The following NRAP variants were observed in gnomAD, a reference collection of about 807,000 sequenced individuals.
NRAP encodes nebulin related anchoring protein, also known as nebulin-related-anchoring protein.
NRAP carries 189 observed loss-of-function variants against 225.9 expected under a neutral mutation model. The observed-to-expected ratio is 0.84, with a 90% CI of 0.74 to 0.94. The LOEUF is 0.94. Ranked by LOEUF, NRAP falls within the 40% of genes least tolerant of loss-of-function variation. The probability of loss-of-function intolerance (pLI) is 0.00; values close to 1 mark genes in which losing one functional copy is unlikely to be tolerated. For synonymous variants in NRAP, 769 were observed against 790.7 expected, an observed-to-expected ratio of 0.97 and a Z score of 0.46; for missense variants, 2,176 against 2,168.7, an observed-to-expected ratio of 1.00 and a Z score of -0.07.
At position 113,631,857 on chromosome 10, in the gene NRAP, A is replaced by G. The variant is rs762853622; in HGVS notation, c.1740T>C (p.Asn580=). 6.3e-7 allele frequency: 1 copy of G among 1,595,106 alleles called. No individual in the cohort carries two copies. The highest frequency in any genetic ancestry group is 1.7e-5 in the Admixed American group (1 of 59,954). ...AAKASGELAS[N]IKYKEEYEKT... ...CCTGAGTTAATGAGAGGAAACGTAC[A>G]TTGCTAGCAAGCTCCCCAGAGGCTT... The change falls in exon 17 of 42, where the codon AAT becomes AAC. Residue 580 remains asparagine, a splice_region_variant and synonymous_variant. Transcript: ENST00000359988.
intron 29 of NRAP, 124 bp downstream of exon 29, chr10:113,614,059 C>A: frequency 2.9e-6 from 2 of 699,382 alleles, no homozygotes; most frequent in South Asian, 3.3e-5. Flanking sequence ...TTAACAATGT[C>A]ACGTAGCAAG....
At chr10:113,609,661 C>T (rs966832303) in intron 31 of NRAP, among the ~76,000 whole-genome samples, 10 of 152,250 alleles carry the variant, frequency 6.6e-5, no homozygotes, top group African/African-American at 2.4e-4. Context: ...CTAATCCTCA[C>T]AAAAATTAAA....
Position 113,589,004 on chromosome 10 carries a change from C to G in NRAP, c.5164G>C (p.Val1722Leu). 6.2e-7 allele frequency: 1 copy of G among 1,613,930 alleles called. No homozygotes were observed. The highest frequency in any genetic ancestry group is 8.5e-7 in the Non-Finnish European group (1 of 1,179,902). The change falls in exon 42 of 42, where the codon GTC (valine) becomes CTC (leucine). Residue 1722 changes from valine (V) to leucine (L), a missense_variant. Coordinates refer to ENST00000359988, the MANE Select transcript of NRAP (RefSeq NM_198060.4). ...AACAGCAGGGCCTTCTTCTTTTTGA[C>G]GTGCAGAATCTCAGTGGCATCTGGG... is the stretch of plus-strand genomic sequence containing the variant. ...VNPDATEILH[V>L]KKKKALLL
At chr10:113,661,352 G>A (rs1717834955) in intron 3 of NRAP, among the ~76,000 whole-genome samples, 1 of 152,192 alleles carries the variant, frequency 6.6e-6, no homozygotes, top group South Asian at 2.1e-4. Context: ...TAAGCACTTA[G>A]TGAAAATAAG....
At chr10:113,614,348 G>T in intron 28 of NRAP, 52 bp from the exon 29 acceptor site, 1 of 1,230,914 alleles carries the variant, frequency 8.1e-7, no homozygotes. Context: ...AAGGGACACA[G>T]AATGGAAGAG....
At chr10:113,623,824 CA>C (rs2133994271) in intron 22 of NRAP, among the ~76,000 whole-genome samples, 188 bp from the exon 23 acceptor site, 1 of 152,254 alleles carries the variant, frequency 6.6e-6, no homozygotes, top group South Asian at 2.1e-4. Context: ...GGCCTTTTAA[CA>C]CATAGGGCTT....
rs147401897 is a variant in NRAP at position 113,631,557 on chromosome 10, G to C, written c.1794C>G (p.Ala598=). 6.2e-7 allele frequency: 1 copy of C among 1,613,358 alleles called. No homozygotes were observed. The change falls in exon 18 of 42, where the codon GCC becomes GCG. Residue 598 remains alanine, a synonymous_variant. Coordinates refer to ENST00000359988, the MANE Select transcript of NRAP (RefSeq NM_198060.4). ...EKTKGKAMGT[A]DSRLLHSLQI... Reference sequence around the variant, plus strand: ...GCAGGGAGTGCAGAAGCCTAGAGTCGGCTGTTCCCATGGCTTTGCCTTTTG... The same window carrying C: ...GCAGGGAGTGCAGAAGCCTAGAGTCCGCTGTTCCCATGGCTTTGCCTTTTG...
At chr10:113,621,585 C>T (rs1847989152) in intron 24 of NRAP, among the ~76,000 whole-genome samples, 1 of 152,174 alleles carries the variant, frequency 6.6e-6, no homozygotes, top group Admixed American at 6.5e-5. Context: ...AGATACCTCC[C>T]CCCTGGCAAT....
chr10:113,642,991 G>A lies in NRAP; in HGVS notation c.1158C>T (p.Asn386=). Residue 386 remains asparagine (N), a synonymous_variant, in exon 12 of 42, where the codon AAC becomes AAT. Transcript: ENST00000359988. ...DLESSRGHSI[N]YCETPQFRNV... is the part of the protein sequence containing the mutation. The stretch of plus-strand genomic sequence containing the variant: ...TCCTGAATTGAGGTGTTTCACAGTA[G>A]TTGATACTGTGACCTCTACTACTTT... 1 of 1,603,602 alleles carries A rather than the reference G, an allele frequency of 6.2e-7. No individual in the cohort carries two copies. Among genetic ancestry groups the A allele is most frequent in the Non-Finnish European group, 8.5e-7 (1 of 1,170,354 alleles).
chr10:113,589,955 T>C (rs1353509834), intron 40 of NRAP, among the ~76,000 whole-genome samples, 158 bp from the exon 41 acceptor site: 1 of 152,168 alleles, frequency 6.6e-6, no homozygotes, highest in African/African-American at 2.4e-5. Context: ...ATAAGCAGCA[T>C]CTCCCTGGCA....
rs1847510497 is a variant in NRAP, at chr10:113,614,302, G to C, written c.3187-6C>G. 2 of 1,579,914 alleles carry C rather than the reference G, an allele frequency of 1.3e-6. No individual in the cohort carries two copies. Among genetic ancestry groups the C allele is most frequent in the African/African-American group, 2.7e-5 (2 of 74,260 alleles). ...AATGCCTCTTTGTATTTGTACTAAAGGGAAAGAGAGCGGGAGAGAGGAACA... is the reference window on the plus strand; with the variant it reads ...AATGCCTCTTTGTATTTGTACTAAACGGAAAGAGAGCGGGAGAGAGGAACA... On this transcript the variant is annotated splice_region_variant and splice_polypyrimidine_tract_variant and intron_variant, in intron 28 of 41. Transcript: ENST00000359988.
chr10:113,641,572 T>C (rs1320170760), intron 12 of NRAP, 100 bp from the exon 13 acceptor site: 1 of 717,512 alleles, frequency 1.4e-6, no homozygotes, highest in African/African-American at 1.8e-5. Flanking sequence ...CATAAATGAT[T>C]AAATATAACC....
At chr10:113,608,633 TC>T in intron 31 of NRAP, 121 bp from the exon 32 acceptor site, 1 of 660,834 alleles carries the variant, frequency 1.5e-6, no homozygotes, top group Non-Finnish European at 2.7e-6. Context: ...AGTCTATCAC[TC>T]CAGAATCCAG....
intron 19 of NRAP, 109 bp downstream of exon 19, chr10:113,629,479 C>G (rs2134023348): frequency 1.3e-6 from 1 of 764,600 alleles, no homozygotes; most frequent in Admixed American, 2.3e-5. Context: ...TGCAGTTCTT[C>G]CTAGTCTTCC....
chr10:113,621,865 T>A lies in NRAP; in HGVS notation c.2769+4A>T. ...ACAAGTGCACACACTCACACAGAGC[T>A]TACATCACTCTGTAAGCCATAAGCC... is the stretch of plus-strand genomic sequence containing the variant. On this transcript the variant is annotated splice_donor_region_variant and intron_variant, in intron 24 of 41. Transcript: ENST00000359988. 6.2e-7 allele frequency: 1 copy of A among 1,604,490 alleles called. No individual in the cohort carries two copies. Among genetic ancestry groups the A allele is most frequent in the Non-Finnish European group, 8.5e-7 (1 of 1,173,620 alleles).
chr10:113,626,128 C>T lies in NRAP; in HGVS notation c.2163G>A (p.Arg721=), dbSNP rs771836538. ...CGCTGGTGAACTTCAGCTCATCGAC[C>T]CTCTGCCGGTAGTTTTTCTGTTTCC... ...QLVSEKNYRQ[R]VDELKFTSVT... Residue 721 remains arginine (R), a synonymous_variant, in exon 21 of 42, where the codon AGG becomes AGA. Transcript: ENST00000359988. 7 of 1,608,050 alleles carry T rather than the reference C, an allele frequency of 4.4e-6. No individual in the cohort carries two copies. The highest frequency in any genetic ancestry group is 1.3e-5 in the African/African-American group (1 of 74,800).
rs1383568797 is a variant in NRAP at position 113,660,107 on chromosome 10, A to G, written c.256-2533T>C. 2.0e-5 allele frequency among the ~76,000 whole-genome samples: 3 copies of G among 151,944 alleles called. No individual in the cohort carries two copies. The East Asian group carries it at 5.8e-4, about 29-fold the overall frequency. ...ACACACCATATACACATATATACAT[A>G]CATACATACATAAACACCATACATA... On this transcript the variant is annotated intron_variant, in intron 3 of 41. Coordinates refer to ENST00000359988, the MANE Select transcript of NRAP (RefSeq NM_198060.4).
At position 113,651,558 on chromosome 10, in the gene NRAP, C is replaced by T. The variant is rs1179176140; in HGVS notation, c.675+245G>A. On this transcript the variant is annotated intron_variant, in intron 7 of 41. Transcript: ENST00000359988. ...TCCCTGTGTCCATGTGTTCTCATTGCTCAGCTCCCACTTATAAGTGAGAAC... is the reference window on the plus strand; with the variant it reads ...TCCCTGTGTCCATGTGTTCTCATTGTTCAGCTCCCACTTATAAGTGAGAAC... Among the ~76,000 whole-genome samples the T allele has an allele frequency of 2.6e-5, 4 of 152,246 alleles. No individual in the cohort carries two copies. The East Asian group carries it at 7.7e-4, about 29-fold the overall frequency.
At chr10:113,605,695 G>A (rs561376018) in intron 34 of NRAP, 67 bp downstream of exon 34, 30 of 1,051,174 alleles carry the variant, frequency 2.9e-5, no homozygotes, top group South Asian at 6.4e-5. Flanking sequence ...AAAATCAGCC[G>A]TAGACATTGT....
Sources: gnomAD v4.1 joint callset for allele counts (sites outside exome capture counted in the v4.1 genomes callset) on GRCh38, gnomAD v4.1.1 for gene constraint, MANE v1.5 for transcripts, NCBI Gene and HGNC (gene_info 2026-07-23, HGNC 2026-07-21) for gene names.